PHTF2: variants seen among roughly 807,000 people sequenced by gnomAD.
PHTF2 encodes the protein putative homeodomain transcription factor 2.
Under a neutral mutation model 101.2 loss-of-function variants are expected in PHTF2, and 60 were observed. The ratio of observed to expected loss-of-function variants is 0.59; its 90% CI spans 0.48 to 0.73. The LOEUF (loss-of-function observed/expected upper bound fraction) is 0.73, where lower values mean the gene tolerates loss of function less well. Among genes scored for constraint, PHTF2 ranks in the 30% least tolerant of loss-of-function variants. PHTF2 has a pLI of 0.00. For missense variants in PHTF2, 747 were observed against 908.7 expected, an observed-to-expected ratio of 0.82 and a Z score of 2.29; for synonymous variants, 311 against 307.3, an observed-to-expected ratio of 1.01 and a Z score of -0.13.
intron 1 of PHTF2, among the ~76,000 whole-genome samples, chr7:77,815,070 G>A (rs997295869): frequency 6.6e-6 from 1 of 151,360 alleles, no homozygotes; most frequent in Non-Finnish European, 1.5e-5. Flanking sequence ...GCTACACTCT[G>A]TCTCAAAAAT....
chr7:77,942,256 G>A (rs1187797113), intron 15 of PHTF2, among the ~76,000 whole-genome samples: 2 of 152,036 alleles, frequency 1.3e-5, no homozygotes, highest in Non-Finnish European at 2.9e-5. Context: ...TTCCCTTTTA[G>A]CACTCATCAC....
chr7:77,940,282 G>A, exon 14 of PHTF2: 1 of 1,612,198 alleles, frequency 6.2e-7, no homozygotes, highest in Non-Finnish European at 8.5e-7. Flanking sequence ...GCTCTGTGTA[G>A]CAGAAAGAAC....
intron 12 of PHTF2, among the ~76,000 whole-genome samples, chr7:77,933,709 G>GTTTTTTTTT (rs1157738956): frequency 7.9e-6 from 1 of 127,264 alleles, no homozygotes. Flanking sequence ...CAGGGACCAT[G>GTTTTTTTTT]TGTTTTTTTT....
chr7:77,886,173 C>G (rs549968371), intron 3 of PHTF2, among the ~76,000 whole-genome samples: 1 of 152,212 alleles, frequency 6.6e-6, no homozygotes, highest in Non-Finnish European at 1.5e-5. Context: ...TGTCTTTGGC[C>G]TCTTGATACC....
intron 1 of PHTF2, among the ~76,000 whole-genome samples, chr7:77,835,776 G>C (rs1584441575): frequency 6.6e-6 from 1 of 152,030 alleles, no homozygotes; most frequent in African/African-American, 2.4e-5. Context: ...TTTATATACT[G>C]TATAATTACA....
intron 1 of PHTF2, among the ~76,000 whole-genome samples, chr7:77,818,821 G>C (rs1230602202): frequency 6.6e-6 from 1 of 152,046 alleles, no homozygotes; most frequent in East Asian, 1.9e-4. Context: ...CATTGACTCT[G>C]TAGATTTCTT....
At chr7:77,847,764 C>T (rs1331047647) in intron 2 of PHTF2, among the ~76,000 whole-genome samples, 1 of 152,172 alleles carries the variant, frequency 6.6e-6, no homozygotes, top group Admixed American at 6.5e-5. Context: ...TTATTGTTGA[C>T]TGTAGTCACC....
chr7:77,929,362 A>C (rs779573484), intron 12 of PHTF2, 35 bp downstream of exon 11: 19 of 1,025,104 alleles, frequency 1.9e-5, no homozygotes, highest in Non-Finnish European at 4.6e-6. Context: ...TGGAGCTATG[A>C]GTCAAGCTCC....
intron 3 of PHTF2, among the ~76,000 whole-genome samples, chr7:77,864,750 G>A (rs1186784415): frequency 6.6e-6 from 1 of 151,390 alleles, no homozygotes; most frequent in Non-Finnish European, 1.5e-5. Context: ...GGAAAGTTGT[G>A]TGTGTTCTTT....
At position 77,866,940 on chromosome 7, in the gene PHTF2, A is replaced by C. The variant is rs570200164; in HGVS notation, c.147+12106A>C. On this transcript the variant is annotated intron_variant, in intron 3 of 19. Transcript: ENST00000416283. Reference sequence around the variant, plus strand: ...TAAAAGAATGCAAATAGGCATATACATTCTTTCCTTGTCACATGCTGCAAT... The same window carrying C: ...TAAAAGAATGCAAATAGGCATATACCTTCTTTCCTTGTCACATGCTGCAAT... Among the ~76,000 whole-genome samples, 58 of 152,326 alleles carry C rather than the reference A, an allele frequency of 3.8e-4. No individual in the cohort carries two copies. The Middle Eastern group carries it at 0.01, about 27-fold the overall frequency.
chr7:77,929,987 C>T (rs1411960901), intron 12 of PHTF2, among the ~76,000 whole-genome samples: 2 of 135,334 alleles, frequency 1.5e-5, no homozygotes, highest in Non-Finnish European at 3.1e-5. Context: ...GTCTGTCCCT[C>T]TTGTCACCCA....
chr7:77,822,967 C>T (rs1794416038), intron 1 of PHTF2, among the ~76,000 whole-genome samples: 1 of 142,028 alleles, frequency 7.0e-6, no homozygotes, highest in Non-Finnish European at 1.5e-5. Flanking sequence ...TGCAGTGGCG[C>T]GATCTCGGCT....
chr7:77,891,881 C>G (rs1432213056), intron 3 of PHTF2, among the ~76,000 whole-genome samples: 1 of 152,122 alleles, frequency 6.6e-6, no homozygotes, highest in Non-Finnish European at 1.5e-5. Flanking sequence ...CCACTCTGCA[C>G]TCAGCCATAA....
chr7:77,884,268 G>C (rs1412821323), intron 3 of PHTF2, among the ~76,000 whole-genome samples: 4 of 152,142 alleles, frequency 2.6e-5, no homozygotes, highest in Non-Finnish European at 5.9e-5. Context: ...GGGCACAAGT[G>C]GTTTTTGGTT....
intron 12 of PHTF2, among the ~76,000 whole-genome samples, chr7:77,929,668 C>G (rs1804382847): frequency 1.3e-5 from 2 of 152,254 alleles, no homozygotes; most frequent in Admixed American, 6.5e-5. Context: ...AAATCTACAT[C>G]TCATGAATAT....
chr7:77,902,031 G>A (rs1477945179), intron 7 of PHTF2, 111 bp downstream of exon 6: 4 of 455,490 alleles, frequency 8.8e-6, no homozygotes. Context: ...GTATAAGTAT[G>A]TTAATAAAGG....
At chr7:77,857,462 T>C (rs932175317) in intron 3 of PHTF2, among the ~76,000 whole-genome samples, 2 of 152,036 alleles carry the variant, frequency 1.3e-5, no homozygotes, top group African/African-American at 2.4e-5. Flanking sequence ...TTGAATTGGA[T>C]TTTTTTTAAG....
rs773287295 is a variant in PHTF2, at chr7:77,954,833, A to G, written c.2338-25A>G. ...GCTTTGATATTAAAACTGGCTTGTC[A>G]CCACTTCTATTTTTTTTTTTCTAGC... On this transcript the variant is annotated intron_variant, in intron 19 of 19. Coordinates refer to ENST00000416283, the Ensembl canonical transcript of PHTF2. 7 of 1,406,526 alleles carry G rather than the reference A, an allele frequency of 5.0e-6. No homozygotes were observed. The South Asian group carries it at 8.8e-5, about 18-fold the overall frequency. The allele number at this position is 1,406,526 out of a possible 1,614,324, so 87.1% of individuals were successfully genotyped here.
In PHTF2 at chr7:77,876,657, G is replaced by A. The variant is rs1464821673; in HGVS notation, c.148-16951G>A. ...TCTGTAATCGCAGCACTTTGGGAGG[G>A]CAAAGAGGAAGGATCACTTGCGCCC... On this transcript the variant is annotated intron_variant, in intron 3 of 19. Transcript: ENST00000416283. Among the ~76,000 whole-genome samples the A allele has an allele frequency of 5.3e-5, 8 of 152,088 alleles. No homozygotes were observed. The South Asian group carries it at 1.7e-3, about 32-fold the overall frequency.
Sources: gnomAD v4.1 joint callset for allele counts (sites outside exome capture counted in the v4.1 genomes callset) on GRCh38, gnomAD v4.1.1 for gene constraint, MANE v1.5 for transcripts, NCBI Gene and HGNC (gene_info 2026-07-23, HGNC 2026-07-21) for gene names.